Variants in NUDT18 observed in about 807,000 individuals in gnomAD.
The protein encoded by NUDT18 is nudix hydrolase 18.
A neutral mutation model predicts 27.6 loss-of-function variants in NUDT18; 26 were observed. That is an observed-to-expected ratio of 0.94 (90% CI 0.69 to 1.31). The LOEUF is 1.31. Ranked by LOEUF, NUDT18 falls within the 50% of genes most tolerant of loss-of-function variation. The pLI is 0.00. For synonymous variants in NUDT18, 220 were observed against 196.9 expected, an observed-to-expected ratio of 1.12 and a Z score of -0.98; for missense variants, 450 against 433.4, an observed-to-expected ratio of 1.04 and a Z score of -0.34.
rs1826377556 is a variant in NUDT18 at position 22,107,148 on chromosome 8, CT to C, written c.*151del. On this transcript the variant is annotated 3_prime_UTR_variant, in exon 3 of 3. Transcript: ENST00000611621. ...CCTTGTGCAATCTAGAGGAATGCTC[CT>C]CAAAGCATCTCTCCTGGGGACCAGG... 1.6e-6 allele frequency: 1 copy of C among 623,448 alleles called. No homozygotes were observed. Among genetic ancestry groups the C allele is most frequent in the Admixed American group, 3.0e-5 (1 of 33,770 alleles). The allele number at this position is 623,448 out of a possible 1,614,324, so 38.6% of individuals were successfully genotyped here.
chr8:22,109,396 G>A lies in NUDT18; in HGVS notation c.-96C>T, dbSNP rs1826430003. On this transcript the variant is annotated 5_prime_UTR_variant, in exon 1 of 3. Coordinates refer to ENST00000611621, the MANE Select transcript of NUDT18 (RefSeq NM_024815.4). ...TGCGGAGCCCGCTCCCAGTCCCTGCGGCAGCGGGCCGGGAGCTCACGAGAA... is the reference window on the plus strand; with the variant it reads ...TGCGGAGCCCGCTCCCAGTCCCTGCAGCAGCGGGCCGGGAGCTCACGAGAA... The A allele has an allele frequency of 8.5e-7, 1 of 1,174,196 alleles. No homozygotes were observed. The highest frequency in any genetic ancestry group is 1.1e-6 in the Non-Finnish European group (1 of 905,592). The allele number at this position is 1,174,196 out of a possible 1,614,324, so 72.7% of individuals were successfully genotyped here. A position where few individuals can be genotyped will look rare whatever the true frequency, so the allele number is the denominator to read the frequency against.
rs1270911703 is a variant in NUDT18, at chr8:22,109,158, G to A, written c.143C>T (p.Ala48Val). The A allele has an allele frequency of 2.1e-6, 3 of 1,452,410 alleles. No individual in the cohort carries two copies. The highest frequency in any genetic ancestry group is 6.0e-5 in the East Asian group (2 of 33,342). The allele number at this position is 1,452,410 out of a possible 1,614,324, so 90.0% of individuals were successfully genotyped here. A position where few individuals can be genotyped will look rare whatever the true frequency, so the allele number is the denominator to read the frequency against. The change falls in exon 1 of 3, where the codon GCC becomes GTC. Residue 48 changes from alanine to valine, a missense_variant. Transcript: ENST00000611621. ...LRKNVCYVVL[A>V]VFLSEQDEVL... ...GCTCACCTGCTCGCTGAGGAACACG[G>A]CCAGCACCACGTAGCACACGTTCTT...
rs894098030 is a variant in NUDT18 at position 22,109,334 on chromosome 8, G to A, written c.-34C>T. ...CCGGGGGGCGGCGGGCCGGATCCTCGCAGACCGACTGAGCCGAGCCGCGGG... is the reference window on the plus strand; with the variant it reads ...CCGGGGGGCGGCGGGCCGGATCCTCACAGACCGACTGAGCCGAGCCGCGGG... On this transcript the variant is annotated 5_prime_UTR_variant, in exon 1 of 3. Coordinates refer to ENST00000611621, the MANE Select transcript of NUDT18 (RefSeq NM_024815.4). 39 of 1,277,442 alleles carry A rather than the reference G, an allele frequency of 3.1e-5. No individual in the cohort carries two copies. Among genetic ancestry groups the A allele is most frequent in the African/African-American group, 2.0e-4 (11 of 54,766 alleles). 79.1% of individuals were successfully genotyped at this position (1,277,442 alleles called of 1,614,324 possible). A position where few individuals can be genotyped will look rare whatever the true frequency, so the allele number is the denominator to read the frequency against.
At chr8:22,108,722 C>A (rs1014594964) in intron 1 of NUDT18, among the ~76,000 whole-genome samples, 1 of 152,228 alleles carries the variant, frequency 6.6e-6, no homozygotes, top group Non-Finnish European at 1.5e-5. Flanking sequence ...TGGGTCCTCA[C>A]ACTGGGGTCT....
At position 22,109,405 on chromosome 8, in the gene NUDT18, C is replaced by A. The variant is rs1586361202; in HGVS notation, c.-105G>T. On this transcript the variant is annotated 5_prime_UTR_variant, in exon 1 of 3. Transcript: ENST00000611621. ...CGCTCCCAGTCCCTGCGGCAGCGGG[C>A]CGGGAGCTCACGAGAACGCGGAAGC... 2 of 323,428 alleles carry A rather than the reference C, an allele frequency of 6.2e-6. No individual in the cohort carries two copies. Among genetic ancestry groups the A allele is most frequent in the African/African-American group, 7.0e-5 (1 of 14,230 alleles). 20.0% of individuals were successfully genotyped at this position (323,428 alleles called of 1,614,324 possible).
In NUDT18 at chr8:22,108,266, C is replaced by T; in HGVS notation, c.243G>A (p.Gly81=). ...WYLPAGRMEP[G]ETIVEALQRE... Reference sequence around the variant, plus strand: ...GCTGCAGCGCCTCCACGATGGTCTCCCCTGGCTCCATTCTCCCCGCAGGCA... The same window carrying T: ...GCTGCAGCGCCTCCACGATGGTCTCTCCTGGCTCCATTCTCCCCGCAGGCA... The change falls in exon 2 of 3, where the codon GGG becomes GGA. Residue 81 remains glycine (G), a synonymous_variant. Transcript: ENST00000611621. The T allele has an allele frequency of 6.3e-7, 1 of 1,597,598 alleles. No individual in the cohort carries two copies. Among genetic ancestry groups the T allele is most frequent in the South Asian group, 1.1e-5 (1 of 88,064 alleles).
In NUDT18 at chr8:22,108,291, A is replaced by G. The variant is rs758623486; in HGVS notation, c.218T>C (p.Leu73Pro). 5.0e-6 allele frequency: 8 copies of G among 1,593,254 alleles called. No individual in the cohort carries two copies. The highest frequency in any genetic ancestry group is 6.8e-6 in the Non-Finnish European group (8 of 1,171,264). ...AKRECRGSWY[L>P]PAGRMEPGET... The stretch of plus-strand genomic sequence containing the variant: ...CCCTGGCTCCATTCTCCCCGCAGGC[A>G]GGTACCACGACCCCCGGCACTCCCT... Residue 73 changes from leucine to proline, a missense_variant, in exon 2 of 3, where the codon CTG becomes CCG. Coordinates refer to ENST00000611621, the MANE Select transcript of NUDT18 (RefSeq NM_024815.4).
upstream of NUDT18, among the ~76,000 whole-genome samples, chr8:22,110,463 C>G (rs1006543384): frequency 6.6e-6 from 1 of 152,222 alleles, no homozygotes; most frequent in Non-Finnish European, 1.5e-5. Flanking sequence ...CGCCTCCCTG[C>G]TAGGGAGACT....
In NUDT18 at chr8:22,109,357, G is replaced by C; in HGVS notation, c.-57C>G. On this transcript the variant is annotated 5_prime_UTR_variant, in exon 1 of 3. Coordinates refer to ENST00000611621, the MANE Select transcript of NUDT18 (RefSeq NM_024815.4). Reference sequence around the variant, plus strand: ...TCGCAGACCGACTGAGCCGAGCCGCGGGCTAGAGTGCGCTGCGGAGCCCGC... The same window carrying C: ...TCGCAGACCGACTGAGCCGAGCCGCCGGCTAGAGTGCGCTGCGGAGCCCGC... 1 of 659,500 alleles carries C rather than the reference G, an allele frequency of 1.5e-6. No homozygotes were observed. Among genetic ancestry groups the C allele is most frequent in the South Asian group, 3.6e-5 (1 of 27,840 alleles). The allele number at this position is 659,500 out of a possible 1,614,324, so 40.9% of individuals were successfully genotyped here. A position where few individuals can be genotyped will look rare whatever the true frequency, so the allele number is the denominator to read the frequency against.
In NUDT18 at chr8:22,108,214, G is replaced by A; in HGVS notation, c.295C>T (p.His99Tyr). 6.3e-7 allele frequency: 1 copy of A among 1,595,856 alleles called. No homozygotes were observed. The highest frequency in any genetic ancestry group is 8.5e-7 in the Non-Finnish European group (1 of 1,172,254). The change falls in exon 2 of 3, where the codon CAC becomes TAC. Residue 99 changes from histidine to tyrosine, a missense_variant. Coordinates refer to ENST00000611621, the MANE Select transcript of NUDT18 (RefSeq NM_024815.4). ...QREVKEEAGL[H>Y]CEPETLLSVE... ...GACAGCAGTGTCTCGGGCTCACAGT[G>A]CAGCCCCGCCTCCTCCTTCACCTCC...
In NUDT18 at chr8:22,109,390, C is replaced by CCCTGCGGAGACCGCTCCCAGTG. The variant is rs1826429726; in HGVS notation, c.-91_-90insCACTGGGAGCGGTCTCCGCAGG. ...GTGCGCTGCGGAGCCCGCTCCCAGT[C>CCCTGCGGAGACCGCTCCCAGTG]CCTGCGGCAGCGGGCCGGGAGCTCA... is the stretch of plus-strand genomic sequence containing the variant. On this transcript the variant is annotated 5_prime_UTR_variant, in exon 1 of 3. Coordinates refer to ENST00000611621, the MANE Select transcript of NUDT18 (RefSeq NM_024815.4). 4 of 1,233,110 alleles carry CCCTGCGGAGACCGCTCCCAGTG rather than the reference C, an allele frequency of 3.2e-6. No homozygotes were observed. The East Asian group carries it at 9.8e-5, about 30-fold the overall frequency. 76.4% of individuals were successfully genotyped at this position (1,233,110 alleles called of 1,614,324 possible). A position where few individuals can be genotyped will look rare whatever the true frequency, so the allele number is the denominator to read the frequency against.
chr8:22,108,031 G>T, intron 2 of NUDT18, 102 bp downstream of exon 2: 1 of 1,362,050 alleles, frequency 7.3e-7, no homozygotes. Context: ...GCCAGGCTGT[G>T]CCAGCCATAA....
At chr8:22,109,067 T>G in intron 1 of NUDT18, 72 bp downstream of exon 1, 4 of 1,188,464 alleles carry the variant, frequency 3.4e-6, no homozygotes, top group Non-Finnish European at 4.4e-6. Flanking sequence ...GCTGTGGCCG[T>G]TGGGTCTTCT....
In NUDT18 at chr8:22,109,397, G is replaced by GAGCCCGCTCCCAGT. The variant is rs71204536; in HGVS notation, c.-98_-97insACTGGGAGCGGGCT. 1.5e-4 allele frequency: 173 copies of GAGCCCGCTCCCAGT among 1,170,338 alleles called. No homozygotes were observed. The highest frequency in any genetic ancestry group is 1.7e-4 in the Non-Finnish European group (151 of 902,186). 72.5% of individuals were successfully genotyped at this position (1,170,338 alleles called of 1,614,324 possible). A position where few individuals can be genotyped will look rare whatever the true frequency, so the allele number is the denominator to read the frequency against. ...GCGGAGCCCGCTCCCAGTCCCTGCG[G>GAGCCCGCTCCCAGT]CAGCGGGCCGGGAGCTCACGAGAAC... On this transcript the variant is annotated 5_prime_UTR_variant, in exon 1 of 3. Coordinates refer to ENST00000611621, the MANE Select transcript of NUDT18 (RefSeq NM_024815.4).
At position 22,107,533 on chromosome 8, in the gene NUDT18, A is replaced by T. The variant is rs1365224452; in HGVS notation, c.739T>A (p.Leu247Met). 1.2e-6 allele frequency: 2 copies of T among 1,612,858 alleles called. No homozygotes were observed. Among genetic ancestry groups the T allele is most frequent in the Non-Finnish European group, 1.7e-6 (2 of 1,179,840 alleles). ...LLQECLTLHH[L>M]VVEIKGLLGL... ...AGCAACCCCTTGATCTCCACCACCA[A>T]GTGGTGCAGGGTCAGACACTCCTGC... is the stretch of plus-strand genomic sequence containing the variant. The change falls in exon 3 of 3, where the codon TTG (leucine) becomes ATG (methionine). Residue 247 changes from leucine (L) to methionine (M), a missense_variant. Transcript: ENST00000611621.
chr8:22,107,553 T>C lies in NUDT18; in HGVS notation c.719A>G (p.Glu240Gly). ...MKMAVLRLLQECLTLHHLVVE... is the reference protein window; with the variant it reads ...MKMAVLRLLQGCLTLHHLVVE... ...CACCAAGTGGTGCAGGGTCAGACAC[T>C]CCTGCAGCAGCCGCAGGACGGCCAT... Residue 240 changes from glutamate to glycine, a missense_variant, in exon 3 of 3, where the codon GAG becomes GGG. By Grantham distance (98) the Glu-to-Gly change is moderately conservative. Coordinates refer to ENST00000611621, the MANE Select transcript of NUDT18 (RefSeq NM_024815.4). 2 of 1,612,942 alleles carry C rather than the reference T, an allele frequency of 1.2e-6. No homozygotes were observed. Among genetic ancestry groups the C allele is most frequent in the Non-Finnish European group, 1.7e-6 (2 of 1,179,846 alleles).
In NUDT18 at chr8:22,108,319, T is replaced by G. The variant is rs781725653; in HGVS notation, c.190A>C (p.Lys64Gln). ...QDEVLLIQEA[K>Q]RECRGSWYLP... ...TACCACGACCCCCGGCACTCCCTCT[T>G]GGCCTCCTGGATCAGTAGCACCTCA... The change falls in exon 2 of 3, where the codon AAG (lysine) becomes CAG (glutamine). Residue 64 changes from lysine (K) to glutamine (Q), a missense_variant. By Grantham distance (53) the Lys-to-Gln change is moderately conservative. Transcript: ENST00000611621. 3.5e-5 allele frequency: 55 copies of G among 1,583,656 alleles called. No individual in the cohort carries two copies. Among genetic ancestry groups the G allele is most frequent in the Non-Finnish European group, 4.5e-5 (53 of 1,166,860 alleles).
rs536797121 is a variant in NUDT18 at position 22,107,696 on chromosome 8, G to A, written c.576C>T (p.Leu192=). 61 of 1,613,040 alleles carry A rather than the reference G, an allele frequency of 3.8e-5. No individual in the cohort carries two copies. Among genetic ancestry groups the A allele is most frequent in the East Asian group, 3.1e-4 (14 of 44,842 alleles). ...ELPCDLVCQR[L]VATFTSAQTV... ...TCTGGGCGCTGGTAAAGGTAGCCAC[G>A]AGCCGCTGGCAGACCAGATCACAGG... is the stretch of plus-strand genomic sequence containing the variant. The change falls in exon 3 of 3, where the codon CTC becomes CTT. Residue 192 remains leucine (L), a synonymous_variant. Transcript: ENST00000611621.
Position 22,107,068 on chromosome 8 carries a change from C to T in NUDT18, c.*232G>A. The T allele has an allele frequency of 3.9e-6, 2 of 511,022 alleles. No individual in the cohort carries two copies. The highest frequency in any genetic ancestry group is 7.0e-6 in the Non-Finnish European group (2 of 287,556). The allele number at this position is 511,022 out of a possible 1,614,324, so 31.7% of individuals were successfully genotyped here. On this transcript the variant is annotated 3_prime_UTR_variant, in exon 3 of 3. Transcript: ENST00000611621. ...CCCTGGGAAGAGGCGTCAGCGTGCC[C>T]TCAGGGTAGTCAGGTCCTGAGCTTT...
Sources: gnomAD v4.1 joint callset for allele counts (sites outside exome capture counted in the v4.1 genomes callset) on GRCh38, gnomAD v4.1.1 for gene constraint, MANE v1.5 for transcripts, NCBI Gene and HGNC (gene_info 2026-07-23, HGNC 2026-07-21) for gene names.